The following CCDC179 variants were observed in gnomAD, a reference collection of about 807,000 sequenced individuals.
CCDC179 encodes coiled-coil domain containing 179.
CCDC179 carries 17 observed loss-of-function variants against 12.0 expected under a neutral mutation model. That is an observed-to-expected ratio of 1.42 (90% CI 0.97 to 2.13). The LOEUF (loss-of-function observed/expected upper bound fraction) is 2.13, where lower values mean the gene tolerates loss of function less well. Among genes scored for constraint, CCDC179 ranks in the 30% most tolerant of loss-of-function variants. The probability of loss-of-function intolerance (pLI) is 0.00; values close to 1 mark genes in which losing one functional copy is unlikely to be tolerated. For missense variants in CCDC179, 83 were observed against 78.6 expected (o/e 1.06, Z -0.21); for synonymous variants, 27 against 26.4 (o/e 1.02, Z -0.07).
At chr11:22,858,886 G>A (rs1369077037) in intron 2 of CCDC179, among the ~76,000 whole-genome samples, 2 of 152,050 alleles carry the variant, frequency 1.3e-5, no homozygotes, top group African/African-American at 2.4e-5. Context: ...TTGAACAGCA[G>A]TGAAAATAAA....
chr11:22,851,353 A>C (rs1320173596), intron 3 of CCDC179, among the ~76,000 whole-genome samples: 1 of 152,082 alleles, frequency 6.6e-6, no homozygotes, highest in African/African-American at 2.4e-5. Flanking sequence ...AGAAAGGAGG[A>C]AGTTACAGAA....
chr11:22,852,326 C>G (rs1361516841), intron 3 of CCDC179, among the ~76,000 whole-genome samples: 1 of 152,120 alleles, frequency 6.6e-6, no homozygotes, highest in Non-Finnish European at 1.5e-5. Flanking sequence ...AATAATAGCC[C>G]TTCCCCAAAA....
chr11:22,850,495 T>A (rs1193352936), intron 3 of CCDC179, among the ~76,000 whole-genome samples: 1 of 152,248 alleles, frequency 6.6e-6, no homozygotes, highest in Non-Finnish European at 1.5e-5. Context: ...GGTTGTTTGA[T>A]GTGCATTTAG....
Position 22,858,038 on chromosome 11 carries a change from T to C in CCDC179, c.91-12A>G. 1 of 1,443,410 alleles carries C rather than the reference T, an allele frequency of 6.9e-7. No homozygotes were observed. The highest frequency in any genetic ancestry group is 9.2e-7 in the Non-Finnish European group (1 of 1,088,192). The allele number at this position is 1,443,410 out of a possible 1,614,324, so 89.4% of individuals were successfully genotyped here. A position where few individuals can be genotyped will look rare whatever the true frequency, so the allele number is the denominator to read the frequency against. ...CGTTTATTTGCAAGCTTTAGAAAAATTAAAATGAAAGAAAAATCATACTTT... is the reference window on the plus strand; with the variant it reads ...CGTTTATTTGCAAGCTTTAGAAAAACTAAAATGAAAGAAAAATCATACTTT... On this transcript the variant is annotated splice_polypyrimidine_tract_variant and intron_variant, in intron 2 of 3. Coordinates refer to ENST00000532798, the MANE Select transcript of CCDC179 (RefSeq NM_001195637.2).
At chr11:22,853,142 A>T (rs945750280) in intron 3 of CCDC179, among the ~76,000 whole-genome samples, 5 of 152,206 alleles carry the variant, frequency 3.3e-5, no homozygotes, top group Non-Finnish European at 7.3e-5. Context: ...TCTTAGTCAG[A>T]TAAACATAAA....
At chr11:22,858,554 A>G (rs1858585091) in intron 2 of CCDC179, among the ~76,000 whole-genome samples, 1 of 152,024 alleles carries the variant, frequency 6.6e-6, no homozygotes, top group African/African-American at 2.4e-5. Flanking sequence ...TTTTTTATCC[A>G]CTTCCAGTGA....
intron 3 of CCDC179, among the ~76,000 whole-genome samples, chr11:22,856,122 A>G (rs77700609): frequency 0.13 from 19,369 of 151,482 alleles, 1,579 homozygotes; most frequent in Non-Finnish European, 0.18. Flanking sequence ...TCTTTACAAT[A>G]TCTTGCAGAA....
rs1424049463 is a variant in CCDC179 at position 22,847,479 on chromosome 11, C to A, written c.*31G>T. ...ACAATCCACATATTTCTGTCTGGAG[C>A]ATGGTTTCCTTCAAATAGACTCCTG... is the stretch of plus-strand genomic sequence containing the variant. On this transcript the variant is annotated 3_prime_UTR_variant, in exon 4 of 4. Transcript: ENST00000532798. The A allele has an allele frequency of 7.2e-6, 10 of 1,397,254 alleles. No homozygotes were observed. In the Admixed American group the frequency reaches 2.2e-4, roughly 31 times the overall value. 86.6% of individuals were successfully genotyped at this position (1,397,254 alleles called of 1,614,324 possible). A position where few individuals can be genotyped will look rare whatever the true frequency, so the allele number is the denominator to read the frequency against.
intron 3 of CCDC179, among the ~76,000 whole-genome samples, chr11:22,850,577 A>G (rs1177751219): frequency 1.3e-5 from 2 of 148,526 alleles, no homozygotes; most frequent in Non-Finnish European, 3.0e-5. Flanking sequence ...TTTTTAATAT[A>G]ACAACTTATT....
chr11:22,849,240 CT>C (rs1444769458), intron 3 of CCDC179, among the ~76,000 whole-genome samples: 1 of 152,108 alleles, frequency 6.6e-6, no homozygotes, highest in Non-Finnish European at 1.5e-5. Flanking sequence ...TTATAATTGC[CT>C]AATACCATTA....
chr11:22,847,571 T>C, intron 3 of CCDC179, 50 bp from the exon 4 acceptor site: 1 of 1,050,878 alleles, frequency 9.5e-7, no homozygotes, highest in Non-Finnish European at 1.3e-6. Flanking sequence ...TTAAAATTTA[T>C]ATAAGGAAAG....
chr11:22,856,558 C>T (rs1590193498), intron 3 of CCDC179, among the ~76,000 whole-genome samples: 1 of 151,460 alleles, frequency 6.6e-6, no homozygotes, highest in East Asian at 1.9e-4. Context: ...ACATTATAGT[C>T]ACTGTCAAGA....
rs1858253785 is a variant in CCDC179, at chr11:22,847,582, A to G, written c.196-61T>C. ...TTAATTAAAATTTATATAAGGAAAG[A>G]TTAGATATACTATAAATTATTTGGA... On this transcript the variant is annotated intron_variant, in intron 3 of 3. Transcript: ENST00000532798. The G allele has an allele frequency of 4.6e-6, 4 of 860,386 alleles. No homozygotes were observed. The African/African-American group carries it at 6.9e-5, about 15-fold the overall frequency. 53.3% of individuals were successfully genotyped at this position (860,386 alleles called of 1,614,324 possible).
chr11:22,855,268 G>A (rs1204089583), intron 3 of CCDC179, among the ~76,000 whole-genome samples: 3 of 151,462 alleles, frequency 2.0e-5, no homozygotes, highest in African/African-American at 4.8e-5. Flanking sequence ...AAGACACATG[G>A]AACATTCACC....
At chr11:22,855,092 C>T (rs539377061) in intron 3 of CCDC179, among the ~76,000 whole-genome samples, 63 of 151,700 alleles carry the variant, frequency 4.2e-4, no homozygotes, top group African/African-American at 1.5e-3. Context: ...AAGAAATAGA[C>T]AAATCTGCTA....
rs1858237592 is a variant in CCDC179 at position 22,847,027 on chromosome 11, T to C, written c.*483A>G. The stretch of plus-strand genomic sequence containing the variant: ...TGGAAATTTTAATTACACTATGGCT[T>C]ATCTGCAATAGCAACACAAAATACA... On this transcript the variant is annotated 3_prime_UTR_variant, in exon 4 of 4. Transcript: ENST00000532798. 6.6e-6 allele frequency: 1 copy of C among 152,132 alleles called. No individual in the cohort carries two copies. Among genetic ancestry groups the C allele is most frequent in the South Asian group, 2.1e-4 (1 of 4,832 alleles). 9.4% of individuals were successfully genotyped at this position (152,132 alleles called of 1,614,324 possible).
intron 3 of CCDC179, among the ~76,000 whole-genome samples, chr11:22,856,533 A>G (rs1324978454): frequency 6.6e-6 from 1 of 151,524 alleles, no homozygotes; most frequent in Non-Finnish European, 1.5e-5. Flanking sequence ...AACATCTCTA[A>G]AATACCTAAA....
intron 3 of CCDC179, among the ~76,000 whole-genome samples, chr11:22,850,012 C>G (rs1036157158): frequency 1.3e-5 from 2 of 152,158 alleles, no homozygotes; most frequent in Non-Finnish European, 2.9e-5. Flanking sequence ...GATTGGTTCA[C>G]TCAGGTATGA....
At chr11:22,858,192 T>G (rs1167384874) in intron 2 of CCDC179, 166 bp from the exon 3 acceptor site, 1 of 496,800 alleles carries the variant, frequency 2.0e-6, no homozygotes, top group Non-Finnish European at 3.6e-6. Context: ...TTCATTCAAA[T>G]GTATGGTTCA....
Sources: allele counts gnomAD v4.1 joint callset (sites outside exome capture counted in the v4.1 genomes callset), GRCh38; gene constraint gnomAD v4.1.1; transcripts MANE v1.5; gene names NCBI Gene and HGNC (gene_info 2026-07-23, HGNC 2026-07-21).